LACTBL1: variants seen among roughly 807,000 people sequenced by gnomAD.
LACTBL1 encodes the protein lactamase beta like 1, also known as beta-lactamase-like protein 1.
A neutral mutation model predicts 39.6 loss-of-function variants in LACTBL1; 29 were observed. The ratio of observed to expected loss-of-function variants is 0.73; its 90% confidence interval spans 0.55 to 1.00. The LOEUF (loss-of-function observed/expected upper bound fraction) is 1.00, where lower values mean the gene tolerates loss of function less well. LACTBL1 is among the 50% of genes least tolerant of loss of function. LACTBL1 has a pLI of 0.00. For synonymous variants in LACTBL1, 361 were observed against 360.7 expected, an observed-to-expected ratio of 1.00 and a Z score of -0.01; for missense variants, 711 against 748.5, an observed-to-expected ratio of 0.95 and a Z score of 0.59.
intron 2 of LACTBL1, among the ~76,000 whole-genome samples, chr1:22,960,530 T>C (rs540917468): frequency 5.6e-5 from 8 of 142,322 alleles, no homozygotes; most frequent in African/African-American, 2.1e-4. Flanking sequence ...GGCAGGAGAA[T>C]CACTTGAACC....
chr1:22,966,870 T>C (rs889315661), upstream of LACTBL1, among the ~76,000 whole-genome samples: 22 of 152,160 alleles, frequency 1.4e-4, no homozygotes, highest in African/African-American at 5.3e-4. Flanking sequence ...CTCTATCTCC[T>C]TCAATCCCTA....
chr1:22,957,044 A>C (rs955588701), intron 4 of LACTBL1, among the ~76,000 whole-genome samples: 1 of 152,124 alleles, frequency 6.6e-6, no homozygotes, highest in African/African-American at 2.4e-5. Context: ...TATAATATGT[A>C]CATTACACAT....
At chr1:22,956,680 G>A (rs1046398469) in intron 4 of LACTBL1, among the ~76,000 whole-genome samples, 34 of 152,074 alleles carry the variant, frequency 2.2e-4, no homozygotes, top group African/African-American at 8.2e-4. Flanking sequence ...AGCTTTCAGA[G>A]CAATCCCTCC....
At chr1:22,971,427 A>G in the LACTBL1 span, among the ~76,000 whole-genome samples, 1 of 152,044 alleles carries the variant, frequency 6.6e-6, no homozygotes, top group African/African-American at 2.4e-5. Flanking sequence ...TTCCCTTCCC[A>G]GCTGGAAATT....
chr1:22,959,944 G>A, exon 3 of LACTBL1: 2 of 1,551,174 alleles, frequency 1.3e-6, no homozygotes, highest in Non-Finnish European at 8.7e-7. Flanking sequence ...CAGCTGACCT[G>A]TACATGGTGT....
At chr1:22,960,185 A>T (rs1352295388) in intron 2 of LACTBL1, 86 bp from the exon 5 acceptor site, 1 of 1,478,306 alleles carries the variant, frequency 6.8e-7, no homozygotes, top group East Asian at 2.5e-5. Flanking sequence ...GTCCATAGTC[A>T]CACCCTGCAT....
At chr1:22,972,392 C>T in the LACTBL1 span, 2 of 985,038 alleles carry the variant, frequency 2.0e-6, no homozygotes, top group Non-Finnish European at 1.2e-6. Context: ...AAGCAGGAAA[C>T]TGAGTCAGAG....
chr1:22,969,182 G>A (rs1322233853), upstream of LACTBL1, among the ~76,000 whole-genome samples: 1 of 152,200 alleles, frequency 6.6e-6, no homozygotes, highest in South Asian at 2.1e-4. Context: ...TATGGTGCGT[G>A]TGTGTGCTTA....
chr1:22,964,865 G>A (rs148023550), intron 1 of LACTBL1, among the ~76,000 whole-genome samples: 1 of 152,168 alleles, frequency 6.6e-6, no homozygotes, highest in African/African-American at 2.4e-5. Context: ...TCCAAGGCTT[G>A]GCAGCTGCTG....
chr1:22,953,232 G>C, exon 6 of LACTBL1: 2 of 1,232,062 alleles, frequency 1.6e-6, no homozygotes, highest in Non-Finnish European at 2.0e-6. Flanking sequence ...CGTGGGCCAC[G>C]TGCAGCTGGA....
exon 6 of LACTBL1, chr1:22,953,275 G>A: frequency 8.1e-7 from 1 of 1,231,484 alleles, no homozygotes. Context: ...CAGCGCCAGG[G>A]TGCGGAACGC....
intron 2 of LACTBL1, 99 bp from the exon 5 acceptor site, chr1:22,960,198 A>G: frequency 7.1e-7 from 1 of 1,404,744 alleles, no homozygotes; most frequent in Non-Finnish European, 9.6e-7. Context: ...CCCTGCATGC[A>G]GCACCCCAGT....
exon 6 of LACTBL1, chr1:22,953,091 C>T (rs763893345): frequency 1.7e-4 from 204 of 1,232,248 alleles, no homozygotes; most frequent in East Asian, 2.2e-4. Context: ...GCACTCTGTA[C>T]GTGTTGAGGC....
chr1:22,959,107 G>A (rs1347315332), intron 3 of LACTBL1, among the ~76,000 whole-genome samples, 187 bp from the exon 6 acceptor site: 1 of 152,186 alleles, frequency 6.6e-6, no homozygotes. Context: ...AACGTAACCA[G>A]AAGCCGAGGG....
At position 22,963,094 on chromosome 1, in the gene LACTBL1, G is replaced by A. The variant is rs1228808908; in HGVS notation, c.159+13C>T. 6 of 1,271,568 alleles carry A rather than the reference G, an allele frequency of 4.7e-6. No homozygotes were observed. The highest frequency in any genetic ancestry group is 6.0e-6 in the Non-Finnish European group (6 of 998,628). The allele number at this position is 1,271,568 out of a possible 1,614,324, so 78.8% of individuals were successfully genotyped here. A position where few individuals can be genotyped will look rare whatever the true frequency, so the allele number is the denominator to read the frequency against. ...AGCCCATATGCCCAGTTTCCTCCTG[G>A]GTCATCACTGACCTTTTCCAGGGCC... On this transcript the variant is annotated intron_variant, in intron 2 of 5. Transcript: ENST00000426928.
intron 4 of LACTBL1, 147 bp from the exon 7 acceptor site, chr1:22,955,573 C>G (rs1423850443): frequency 1.6e-6 from 1 of 614,360 alleles, no homozygotes; most frequent in Non-Finnish European, 2.9e-6. Flanking sequence ...CTAGCGTGGA[C>G]TCCAGTCCTG....
At chr1:22,958,777 T>G in exon 4 of LACTBL1, 1 of 1,550,680 alleles carries the variant, frequency 6.4e-7, no homozygotes, top group Non-Finnish European at 8.7e-7. Flanking sequence ...GCCCTGCTGT[T>G]CGGCTGATGC....
At chr1:22,971,957 G>T in the LACTBL1 span, among the ~76,000 whole-genome samples, 2 of 152,150 alleles carry the variant, frequency 1.3e-5, no homozygotes, top group South Asian at 4.1e-4. Context: ...CTCAGCCTAG[G>T]GGGAGGGAGG....
chr1:22,953,076 C>T, exon 6 of LACTBL1: 1 of 1,232,310 alleles, frequency 8.1e-7, no homozygotes, highest in Non-Finnish European at 1.0e-6. Context: ...TGCCCCGCAG[C>T]CGCAGCACTC....
Sources: allele counts gnomAD v4.1 joint callset (sites outside exome capture counted in the v4.1 genomes callset), GRCh38; gene constraint gnomAD v4.1.1; transcripts MANE v1.5; gene names NCBI Gene and HGNC (gene_info 2026-07-23, HGNC 2026-07-21).